TTLL1: variants seen among roughly 807,000 people sequenced by gnomAD.
The protein encoded by TTLL1 is TTL family tubulin polyglutamylase complex subunit L1.
A neutral mutation model predicts 47.8 loss-of-function variants in TTLL1; 33 were observed. That is an observed-to-expected ratio of 0.69 (90% CI 0.52 to 0.92). The LOEUF (loss-of-function observed/expected upper bound fraction) is 0.92. Among genes scored for constraint, TTLL1 ranks in the 40% least tolerant of loss-of-function variants. The pLI, the probability that TTLL1 is intolerant of heterozygous loss-of-function variation, is 0.00. For missense variants in TTLL1, 488 were observed against 547.5 expected (o/e 0.89, Z 1.08); for synonymous variants, 225 against 214.1 (o/e 1.05, Z -0.45).
intron 8 of TTLL1, among the ~76,000 whole-genome samples, chr22:43,057,644 T>A (rs5751422): frequency 0.13 from 19,274 of 151,290 alleles, 1,729 homozygotes; most frequent in East Asian, 0.41. Context: ...TCTGAGTAGG[T>A]GGGTCTCTCA....
chr22:43,061,083 G>A (rs1323634997), intron 7 of TTLL1, among the ~76,000 whole-genome samples: 4 of 152,108 alleles, frequency 2.6e-5, no homozygotes, highest in African/African-American at 9.7e-5. Flanking sequence ...CCAGTTACTC[G>A]GGGGGCTGAG....
rs954905011 is a variant in TTLL1, at chr22:43,082,296, C to T, written c.-89-2310G>A. The stretch of plus-strand genomic sequence containing the variant: ...TTCTTCCCATTTTCCATTTTGCCAT[C>T]CTCAGAAAATTGGCTCTGTCCTCAG... On this transcript the variant is annotated intron_variant, in intron 1 of 10. Coordinates refer to ENST00000266254, the MANE Select transcript of TTLL1 (RefSeq NM_012263.5). Among the ~76,000 whole-genome samples, 5 of 152,084 alleles carry T rather than the reference C, an allele frequency of 3.3e-5. No individual in the cohort carries two copies. In the South Asian group the frequency reaches 8.3e-4, roughly 25 times the overall value.
intron 3 of TTLL1, chr22:43,070,068 T>G: frequency 8.2e-7 from 1 of 1,214,504 alleles, no homozygotes. Flanking sequence ...GTGCTGATTC[T>G]GAGCTGTTTC....
intron 8 of TTLL1, among the ~76,000 whole-genome samples, chr22:43,058,536 G>A (rs1927175862): frequency 6.6e-6 from 1 of 152,242 alleles, no homozygotes; most frequent in African/African-American, 2.4e-5. Context: ...GGGTATAAGA[G>A]GAGTGGAGGG....
At chr22:43,068,233 C>T (rs554985925) in intron 5 of TTLL1, among the ~76,000 whole-genome samples, 177 bp downstream of exon 5, 2 of 151,936 alleles carry the variant, frequency 1.3e-5, no homozygotes, top group African/African-American at 2.4e-5. Flanking sequence ...AGGAGAATCG[C>T]TTGAACCCAG....
chr22:43,070,621 CT>C (rs1480879416), intron 3 of TTLL1, among the ~76,000 whole-genome samples: 1 of 152,054 alleles, frequency 6.6e-6, no homozygotes, highest in Non-Finnish European at 1.5e-5. Flanking sequence ...TAAAGGGAAT[CT>C]TTTTTGACTT....
intron 1 of TTLL1, among the ~76,000 whole-genome samples, chr22:43,080,528 A>G (rs1272989812): frequency 6.6e-6 from 1 of 151,362 alleles, no homozygotes; most frequent in East Asian, 1.9e-4. Flanking sequence ...TCAAGCTGCC[A>G]TACCACCCCT....
At position 43,068,506 on chromosome 22, in the gene TTLL1, A is replaced by T. The variant is rs1377781428; in HGVS notation, c.407T>A (p.Ile136Asn). 6.3e-7 allele frequency: 1 copy of T among 1,577,976 alleles called. No individual in the cohort carries two copies. Among genetic ancestry groups the T allele is most frequent in the African/African-American group, 1.3e-5 (1 of 74,424 alleles). ...CTGGGCCTTGCCACAAGGCTTCATG[A>T]TCCAGGTGCTGGACGGGCTCTTCCG... ...EFRKSPSSTW[I>N]MKPCGKAQGK... is the part of the protein sequence containing the mutation. Residue 136 changes from isoleucine to asparagine, a missense_variant, in exon 5 of 11, where the codon ATC (isoleucine) becomes AAC (asparagine). Physicochemically the swap from Ile to Asn is moderately radical, Grantham distance 149. Coordinates refer to ENST00000266254, the MANE Select transcript of TTLL1 (RefSeq NM_012263.5).
intron 2 of TTLL1, among the ~76,000 whole-genome samples, chr22:43,077,079 T>A (rs5759141): frequency 6.6e-6 from 1 of 151,724 alleles, no homozygotes; most frequent in Non-Finnish European, 1.5e-5. Context: ...CCAGCCTGGG[T>A]GACAGAGTGA....
chr22:43,075,831 G>A (rs962083073), intron 2 of TTLL1, among the ~76,000 whole-genome samples: 2 of 152,176 alleles, frequency 1.3e-5, no homozygotes, highest in Non-Finnish European at 1.5e-5. Context: ...CTCGATGTCC[G>A]ACTGCACAGA....
At chr22:43,045,065 G>A (rs1370836471) in intron 10 of TTLL1, among the ~76,000 whole-genome samples, 1 of 152,168 alleles carries the variant, frequency 6.6e-6, no homozygotes, top group African/African-American at 2.4e-5. Flanking sequence ...GTTTCACCAT[G>A]TTGGTCAGGC....
intron 1 of TTLL1, among the ~76,000 whole-genome samples, chr22:43,088,736 G>A (rs935575951): frequency 6.6e-6 from 1 of 152,084 alleles, no homozygotes; most frequent in Non-Finnish European, 1.5e-5. Flanking sequence ...ATGCCAAAAG[G>A]GCTAACAATG....
chr22:43,072,443 C>T (rs563940880), intron 3 of TTLL1, among the ~76,000 whole-genome samples: 11 of 151,268 alleles, frequency 7.3e-5, no homozygotes, highest in Middle Eastern at 3.6e-3. Flanking sequence ...CGTGAGCCAC[C>T]GCGCCTGGCC....
chr22:43,072,633 G>A (rs773813380), intron 3 of TTLL1, among the ~76,000 whole-genome samples: 11 of 151,926 alleles, frequency 7.2e-5, no homozygotes, highest in Non-Finnish European at 1.2e-4. Flanking sequence ...CACTATGCCT[G>A]GATAATTTTT....
At chr22:43,041,285 A>G (rs1000470527) in intron 10 of TTLL1, 1 of 152,218 alleles carries the variant, frequency 6.6e-6, no homozygotes, top group Non-Finnish European at 1.5e-5. Flanking sequence ...CATCCTGACT[A>G]GGACCCTCGG....
intron 10 of TTLL1, chr22:43,041,219 A>T (rs1362627580): frequency 6.6e-6 from 1 of 152,122 alleles, no homozygotes; most frequent in East Asian, 1.9e-4. Flanking sequence ...AGCGCTGAGG[A>T]GTGTGGAAAG....
intron 3 of TTLL1, among the ~76,000 whole-genome samples, chr22:43,070,919 G>T (rs181784315): frequency 8.5e-4 from 129 of 152,164 alleles, no homozygotes; most frequent in African/African-American, 2.9e-3. Context: ...ATGTATGTAT[G>T]TATTTATTTT....
Position 43,059,540 on chromosome 22 carries a change from A to G in TTLL1, c.748-13T>C. On this transcript the variant is annotated splice_polypyrimidine_tract_variant and intron_variant, in intron 7 of 10. Transcript: ENST00000266254. ...GGTTGTAGTCCTCCTGGTGACGGGA[A>G]AGCGGGCAGGCATCCCTCAGGCTAT... 4 of 1,609,420 alleles carry G rather than the reference A, an allele frequency of 2.5e-6. No homozygotes were observed. The highest frequency in any genetic ancestry group is 3.4e-6 in the Non-Finnish European group (4 of 1,177,760).
chr22:43,064,289 A>C lies in TTLL1; in HGVS notation c.539T>G (p.Ile180Ser), dbSNP rs781688090. The change falls in exon 6 of 11, where the codon ATC becomes AGC. Residue 180 changes from isoleucine (I) to serine (S), a missense_variant. By Grantham distance (142) the Ile-to-Ser change is moderately radical. Coordinates refer to ENST00000266254, the MANE Select transcript of TTLL1 (RefSeq NM_012263.5). ...TAACGGGTTGTTAATATAGAGAGAG[A>C]TCACGTAGGCTTCCTTATTAGATTG... ...VSQSNKEAYV[I>S]SLYINNPLLI... is the part of the protein sequence containing the mutation. 4 of 1,613,936 alleles carry C rather than the reference A, an allele frequency of 2.5e-6. No individual in the cohort carries two copies. The highest frequency in any genetic ancestry group is 3.4e-6 in the Non-Finnish European group (4 of 1,179,980).
Sources: gnomAD v4.1 joint callset for allele counts (sites outside exome capture counted in the v4.1 genomes callset) on GRCh38, gnomAD v4.1.1 for gene constraint, MANE v1.5 for transcripts, NCBI Gene and HGNC (gene_info 2026-07-23, HGNC 2026-07-21) for gene names.